The following TEAD1 variants were observed in gnomAD, a reference collection of about 807,000 sequenced individuals.
TEAD1 encodes transcriptional enhancer factor TEF-1.
Under a neutral mutation model 54.9 loss-of-function variants are expected in TEAD1, and 9 were observed. That is an observed-to-expected ratio of 0.16 (90% CI 0.10 to 0.29). TEAD1 has a LOEUF of 0.29. TEAD1 is among the 10% of genes least tolerant of loss of function. The pLI is 1.00. For missense variants in TEAD1, 387 were observed against 535.9 expected (o/e 0.72, Z 2.74); for synonymous variants, 200 against 187.8 (o/e 1.07, Z -0.53).
At chr11:12,783,834 G>C (rs757509371) in intron 3 of TEAD1, among the ~76,000 whole-genome samples, 8 of 152,192 alleles carry the variant, frequency 5.3e-5, no homozygotes, top group Non-Finnish European at 1.2e-4. Context: ...GTGTGGGGTG[G>C]CTTGTAAGCT....
chr11:12,807,462 GT>G (rs1564946690), intron 3 of TEAD1, among the ~76,000 whole-genome samples: 1 of 152,184 alleles, frequency 6.6e-6, no homozygotes, highest in Non-Finnish European at 1.5e-5. Flanking sequence ...CTAGTTACTT[GT>G]GTAACCTTGA....
intron 9 of TEAD1, among the ~76,000 whole-genome samples, chr11:12,888,604 C>G (rs1321750807): frequency 6.6e-6 from 1 of 152,200 alleles, no homozygotes; most frequent in Non-Finnish European, 1.5e-5. Flanking sequence ...TTAGAACCAG[C>G]ATTTTCTGAA....
intron 6 of TEAD1, among the ~76,000 whole-genome samples, 185 bp downstream of exon 6, chr11:12,880,027 T>A (rs1947934280): frequency 6.8e-6 from 1 of 147,858 alleles, no homozygotes. Flanking sequence ...GGCAGAGAGC[T>A]AGAGAGAAAG....
At chr11:12,872,396 T>C (rs1209117894) in intron 5 of TEAD1, among the ~76,000 whole-genome samples, 2 of 152,244 alleles carry the variant, frequency 1.3e-5, no homozygotes, top group Non-Finnish European at 2.9e-5. Flanking sequence ...TGGGAAATGA[T>C]ATAATCTTTC....
chr11:12,757,836 G>T (rs1945013975), intron 2 of TEAD1, among the ~76,000 whole-genome samples: 1 of 152,110 alleles, frequency 6.6e-6, no homozygotes, highest in Non-Finnish European at 1.5e-5. Flanking sequence ...CTGGAGTGCA[G>T]TGGCCTGATC....
intron 2 of TEAD1, among the ~76,000 whole-genome samples, chr11:12,699,875 T>C (rs375577952): frequency 9.2e-5 from 14 of 152,194 alleles, no homozygotes; most frequent in Non-Finnish European, 1.3e-4. Flanking sequence ...TGTGCAGTCT[T>C]TTGGGGGAAG....
chr11:12,852,052 G>T (rs1222652918), intron 3 of TEAD1, among the ~76,000 whole-genome samples: 1 of 152,192 alleles, frequency 6.6e-6, no homozygotes, highest in Middle Eastern at 3.2e-3. Flanking sequence ...TCCAGGTAGG[G>T]TATACAGGAA....
chr11:12,871,005 T>G (rs943177122), intron 5 of TEAD1, among the ~76,000 whole-genome samples: 1 of 152,206 alleles, frequency 6.6e-6, no homozygotes, highest in Non-Finnish European at 1.5e-5. Context: ...TGTGTTTGTC[T>G]CCTACTCAGA....
At position 12,675,538 on chromosome 11, in the gene TEAD1, C is replaced by G. The variant is rs1213169332; in HGVS notation, c.-78C>G. On this transcript the variant is annotated 5_prime_UTR_variant, in exon 2 of 13. Transcript: ENST00000527636. ...CACCAAACCCAGGAGGAGACTCTCC[C>G]TGGAAAACTTCCCTTCCCTTTCGGT... 1 of 152,230 alleles carries G rather than the reference C, an allele frequency of 6.6e-6. No homozygotes were observed. The highest frequency in any genetic ancestry group is 6.5e-5 in the Admixed American group (1 of 15,284). The allele number at this position is 152,230 out of a possible 1,614,324, so 9.4% of individuals were successfully genotyped here.
At chr11:12,881,848 G>C (rs1249858339) in intron 7 of TEAD1, 48 bp from the exon 8 acceptor site, 1 of 1,600,264 alleles carries the variant, frequency 6.2e-7, no homozygotes, top group Non-Finnish European at 8.6e-7. Flanking sequence ...AATAGCCCCT[G>C]CTGCAGATGC....
At chr11:12,755,672 C>T (rs180950879) in intron 2 of TEAD1, among the ~76,000 whole-genome samples, 16 of 152,242 alleles carry the variant, frequency 1.1e-4, no homozygotes, top group Non-Finnish European at 2.2e-4. Context: ...ATGTGTTTCC[C>T]GAGGTTAAGT....
chr11:12,908,886 T>TTTTGTTTTTTGTTTTTTG (rs66615304), intron 10 of TEAD1, among the ~76,000 whole-genome samples: 25,660 of 133,982 alleles, frequency 0.19, 2,835 homozygotes, highest in Non-Finnish European at 0.24. Context: ...ATTATCTGTT[T>TTTTGTTTTTTGTTTTTTG]TTTTTTTTTT....
chr11:12,725,094 T>C (rs1370280739), intron 2 of TEAD1, among the ~76,000 whole-genome samples: 2 of 152,224 alleles, frequency 1.3e-5, no homozygotes, highest in African/African-American at 4.8e-5. Flanking sequence ...AGAAATAGTT[T>C]ACACAGTAAC....
intron 9 of TEAD1, among the ~76,000 whole-genome samples, chr11:12,883,569 C>G (rs1402522150): frequency 6.6e-6 from 1 of 152,088 alleles, no homozygotes; most frequent in Non-Finnish European, 1.5e-5. Context: ...AGTAACTTTC[C>G]CAGAGTCACA....
At position 12,795,436 on chromosome 11, in the gene TEAD1, A is replaced by G. The variant is rs77306100; in HGVS notation, c.202+31002A>G. ...TTTTGGGGCATGCAATTCAACCCAT[A>G]ACTCTCATGTTGCATACATGGGTGC... On this transcript the variant is annotated intron_variant, in intron 3 of 12. Transcript: ENST00000527636. Among the ~76,000 whole-genome samples the G allele has an allele frequency of 9.4e-3, 1,425 of 152,308 alleles. 18 individuals carry two copies. The highest frequency in any genetic ancestry group is 0.033 in the African/African-American group (1,354 of 41,548).
chr11:12,699,296 T>C (rs1324602480), intron 2 of TEAD1, among the ~76,000 whole-genome samples: 1 of 152,364 alleles, frequency 6.6e-6, no homozygotes, highest in East Asian at 1.9e-4. Flanking sequence ...CTCATTACTC[T>C]TCTTTTAAAG....
intron 3 of TEAD1, among the ~76,000 whole-genome samples, chr11:12,797,337 G>T (rs916791490): frequency 6.6e-6 from 1 of 152,156 alleles, no homozygotes; most frequent in Non-Finnish European, 1.5e-5. Flanking sequence ...GTGGGGAAGG[G>T]GCTCATTTCA....
At position 12,883,134 on chromosome 11, in the gene TEAD1, G is replaced by C; in HGVS notation, c.699+9G>C. 2 of 1,614,122 alleles carry C rather than the reference G, an allele frequency of 1.2e-6. No individual in the cohort carries two copies. The highest frequency in any genetic ancestry group is 1.1e-5 in the South Asian group (1 of 91,080). ...AGCGAGACCCAGACTCGGTGAGTGT[G>C]CCCAGAGAGGTGTGTCTTGAATCCA... is the stretch of plus-strand genomic sequence containing the variant. On this transcript the variant is annotated intron_variant, in intron 9 of 12. Coordinates refer to ENST00000527636, the MANE Select transcript of TEAD1 (RefSeq NM_021961.6).
At chr11:12,882,019 G>C in intron 8 of TEAD1, 62 bp downstream of exon 8, 1 of 1,560,948 alleles carries the variant, frequency 6.4e-7, no homozygotes, top group Non-Finnish European at 8.8e-7. Context: ...GCTGGGTCTG[G>C]CACTTTGTTC....
Sources: gnomAD v4.1 joint callset for allele counts (sites outside exome capture counted in the v4.1 genomes callset) on GRCh38, gnomAD v4.1.1 for gene constraint, MANE v1.5 for transcripts, NCBI Gene and HGNC (gene_info 2026-07-23, HGNC 2026-07-21) for gene names.